Variants in STK10 observed in about 807,000 individuals in gnomAD.
STK10 encodes the protein serine/threonine kinase 10.
A neutral mutation model predicts 113.8 loss-of-function variants in STK10; 78 were observed. The ratio of observed to expected loss-of-function variants is 0.69; its 90% CI spans 0.57 to 0.83. The LOEUF (loss-of-function observed/expected upper bound fraction) is 0.83. STK10 is among the 40% of genes least tolerant of loss of function. The probability of loss-of-function intolerance (pLI) is 0.00; values close to 1 mark genes in which losing one functional copy is unlikely to be tolerated. For synonymous variants in STK10, 465 were observed against 494.7 expected, an observed-to-expected ratio of 0.94 and a Z score of 0.80; for missense variants, 1,109 against 1,280.1, an observed-to-expected ratio of 0.87 and a Z score of 2.04.
chr5:172,122,935 G>T (rs1301694119), intron 3 of STK10, among the ~76,000 whole-genome samples: 1 of 152,124 alleles, frequency 6.6e-6, no homozygotes. Context: ...GACCCAAGAT[G>T]TTTAATAGCC....
chr5:172,152,707 T>C (rs1230196104), intron 2 of STK10, among the ~76,000 whole-genome samples: 1 of 152,228 alleles, frequency 6.6e-6, no homozygotes, highest in Non-Finnish European at 1.5e-5. Flanking sequence ...ACAACTTGGG[T>C]GTGTGAATCT....
At chr5:172,049,446 C>T (rs774164996) in intron 18 of STK10, among the ~76,000 whole-genome samples, 1 of 151,998 alleles carries the variant, frequency 6.6e-6, no homozygotes, top group Non-Finnish European at 1.5e-5. Context: ...ACAGGCTGGG[C>T]AAAAGCCCAG....
At position 172,120,575 on chromosome 5, in the gene STK10, C is replaced by T. The variant is rs1356192412; in HGVS notation, c.371-2945G>A. On this transcript the variant is annotated intron_variant, in intron 3 of 18. Transcript: ENST00000176763. The surrounding 1 kb of genome is among the most constrained non-coding windows in gnomAD (Gnocchi z 4.0). ...GGCCGTACCCAGGTGCTGCCTCTCA[C>T]TAGCTGTGTGGTTACTGGCAAGTCG... is the stretch of plus-strand genomic sequence containing the variant. Among the ~76,000 whole-genome samples the T allele has an allele frequency of 6.6e-6, 1 of 152,210 alleles. No individual in the cohort carries two copies. Among genetic ancestry groups the T allele is most frequent in the Non-Finnish European group, 1.5e-5 (1 of 68,034 alleles).
At chr5:172,088,252 G>A (rs1043073647) in intron 10 of STK10, among the ~76,000 whole-genome samples, 23 of 152,112 alleles carry the variant, frequency 1.5e-4, no homozygotes, top group African/African-American at 3.4e-4. Context: ...TAGGCCGGGC[G>A]CGGTGGCTCA....
At chr5:172,169,963 G>A (rs1004828767) in intron 1 of STK10, among the ~76,000 whole-genome samples, 2 of 152,136 alleles carry the variant, frequency 1.3e-5, no homozygotes, top group African/African-American at 4.8e-5. Flanking sequence ...TGACGCACGG[G>A]AAAATCAATA....
At chr5:172,175,781 G>C (rs1384931020) in intron 1 of STK10, among the ~76,000 whole-genome samples, 2 of 152,284 alleles carry the variant, frequency 1.3e-5, no homozygotes, top group East Asian at 3.9e-4. Context: ...AGAGAAAAGA[G>C]ACACGCTCCT....
At chr5:172,083,190 A>C in intron 10 of STK10, 106 bp from the exon 11 acceptor site, 2 of 1,488,910 alleles carry the variant, frequency 1.3e-6, no homozygotes, top group South Asian at 2.3e-5. Flanking sequence ...GCAAAATCAC[A>C]CAAGTCTGGG....
At position 172,188,081 on chromosome 5, in the gene STK10, G is replaced by C. The variant is rs1242194706; in HGVS notation, c.-39C>G. On this transcript the variant is annotated 5_prime_UTR_variant, in exon 1 of 19. Coordinates refer to ENST00000176763, the MANE Select transcript of STK10 (RefSeq NM_005990.4). The surrounding 1 kb of genome is among the most constrained non-coding windows in gnomAD (Gnocchi z 5.6). ...GTGGCGCCGGCTCGGGCTCGGGCTC[G>C]GGCTCGGGCTGTGGCTTCGGCGGCC... 9 of 1,597,220 alleles carry C rather than the reference G, an allele frequency of 5.6e-6. No homozygotes were observed. Among genetic ancestry groups the C allele is most frequent in the Admixed American group, 1.7e-5 (1 of 57,430 alleles).
At chr5:172,155,452 C>T (rs1270568914) in intron 2 of STK10, among the ~76,000 whole-genome samples, 6 of 148,932 alleles carry the variant, frequency 4.0e-5, no homozygotes, top group African/African-American at 1.0e-4. Context: ...CAGCCGAGAT[C>T]GTGCCACTGC....
Position 172,083,104 on chromosome 5 carries a change from A to G in STK10, c.1686-20T>C. The G allele has an allele frequency of 3.1e-6, 5 of 1,613,526 alleles. No individual in the cohort carries two copies. Among genetic ancestry groups the G allele is most frequent in the Non-Finnish European group, 4.2e-6 (5 of 1,179,878 alleles). On this transcript the variant is annotated intron_variant, in intron 10 of 18. Transcript: ENST00000176763. ...TGGCGCCTGAAAGGTTAAAGGATAC[A>G]GATATTTCACAGTAAGAAACTGGCT...
At chr5:172,058,537 C>T (rs1174716549) in intron 14 of STK10, among the ~76,000 whole-genome samples, 3 of 152,164 alleles carry the variant, frequency 2.0e-5, no homozygotes, top group Admixed American at 6.5e-5. Context: ...AGGCTTGGAC[C>T]GTCAAAAGTC....
intron 12 of STK10, among the ~76,000 whole-genome samples, chr5:172,069,395 T>C (rs1049613699): frequency 2.0e-5 from 3 of 152,162 alleles, no homozygotes; most frequent in African/African-American, 7.2e-5. Context: ...GGCTATTTAT[T>C]AGACAAGGTA....
intron 8 of STK10, among the ~76,000 whole-genome samples, chr5:172,095,757 A>T (rs1353877899): frequency 1.3e-5 from 2 of 152,196 alleles, no homozygotes; most frequent in Non-Finnish European, 2.9e-5. Context: ...CCTGATGGGT[A>T]AGTCCAGCCC....
At chr5:172,169,821 C>T (rs1401746003) in intron 1 of STK10, among the ~76,000 whole-genome samples, 2 of 152,190 alleles carry the variant, frequency 1.3e-5, no homozygotes, top group Non-Finnish European at 2.9e-5. Flanking sequence ...GAGCAAATTT[C>T]TATCGAGCAA....
chr5:172,131,513 G>C (rs924986107), intron 2 of STK10, among the ~76,000 whole-genome samples: 2 of 152,160 alleles, frequency 1.3e-5, no homozygotes, highest in African/African-American at 4.8e-5. Context: ...CTCTTCTTTA[G>C]TTCAAGAGCT....
At chr5:172,182,715 G>A (rs531044301) in intron 1 of STK10, among the ~76,000 whole-genome samples, 27 of 151,902 alleles carry the variant, frequency 1.8e-4, no homozygotes, top group African/African-American at 5.8e-4. Context: ...CACCACGCCT[G>A]GCTAATTTTT....
Position 172,082,981 on chromosome 5 carries a change from G to C in STK10, c.1789C>G (p.Arg597Gly), listed in dbSNP as rs1405973265. ...CTCACGTTGATTTCCTGTTCAAAAC[G>C]TTTATGCATTTGCTCCAGCTGCAGC... Reference protein sequence around the residue: ...HELQLEQMHKRFEQEINAKKK... With the variant: ...HELQLEQMHKGFEQEINAKKK... Residue 597 changes from arginine (R) to glycine (G), a missense_variant, in exon 11 of 19, where the codon CGT becomes GGT. Physicochemically the swap from Arg to Gly is moderately radical, Grantham distance 125. This residue lies in a region of STK10 where 885 missense variants were observed against 991.1 expected (regional missense o/e 0.89). Transcript: ENST00000176763. The surrounding 1 kb of genome is among the most constrained non-coding windows in gnomAD (Gnocchi z 4.3). 6.2e-7 allele frequency: 1 copy of C among 1,613,630 alleles called. No homozygotes were observed. The highest frequency in any genetic ancestry group is 1.3e-5 in the African/African-American group (1 of 74,880).
chr5:172,168,394 G>T (rs1269693471), intron 1 of STK10, among the ~76,000 whole-genome samples: 2 of 152,170 alleles, frequency 1.3e-5, no homozygotes. Context: ...AAGCCAAAGG[G>T]GGTGACCTGA....
chr5:172,087,790 G>A (rs1444594530), intron 10 of STK10, among the ~76,000 whole-genome samples: 6 of 127,030 alleles, frequency 4.7e-5, no homozygotes, highest in South Asian at 4.9e-4. Context: ...CACCGCGCCC[G>A]GCTAATTTTT....
Sources: gnomAD v4.1 joint callset for allele counts (sites outside exome capture counted in the v4.1 genomes callset) on GRCh38, gnomAD v4.1.1 for gene constraint, gnomAD v4.1.1 regional missense constraint, Gnocchi (gnomAD v3.1) non-coding constraint, MANE v1.5 for transcripts, NCBI Gene and HGNC (gene_info 2026-07-23, HGNC 2026-07-21) for gene names.